NXPH1: variants seen among roughly 807,000 people sequenced by gnomAD.
NXPH1 encodes the protein neurexophilin 1, also known as neurexophilin-1.
A neutral mutation model predicts 23.7 loss-of-function variants in NXPH1; 5 were observed. The ratio of observed to expected loss-of-function variants is 0.21; its 90% CI spans 0.11 to 0.44. The LOEUF (loss-of-function observed/expected upper bound fraction) is 0.44. NXPH1 is among the 20% of genes least tolerant of loss of function. NXPH1 has a pLI of 0.99. For missense variants in NXPH1, 324 were observed against 321.6 expected, an observed-to-expected ratio of 1.01 and a Z score of -0.06; for synonymous variants, 144 against 122.2, an observed-to-expected ratio of 1.18 and a Z score of -1.18.
At chr7:8,507,003 G>A (rs944581638) in intron 2 of NXPH1, among the ~76,000 whole-genome samples, 2 of 149,408 alleles carry the variant, frequency 1.3e-5, no homozygotes, top group African/African-American at 5.1e-5. Flanking sequence ...TGCCCACCCC[G>A]GGAAGATGAA....
intron 2 of NXPH1, among the ~76,000 whole-genome samples, chr7:8,629,590 C>G (rs775284058): frequency 6.6e-6 from 1 of 152,052 alleles, no homozygotes; most frequent in Non-Finnish European, 1.5e-5. Context: ...TATAAGTCAT[C>G]GAGATTACTA....
intron 2 of NXPH1, among the ~76,000 whole-genome samples, chr7:8,444,406 TA>T (rs1214810827): frequency 6.6e-6 from 1 of 152,078 alleles, no homozygotes; most frequent in Admixed American, 6.5e-5. Flanking sequence ...GCCAGCCCGC[TA>T]GTTTTCTAGG....
In NXPH1 at chr7:8,593,171, A is replaced by ATTT. The variant is rs61424859; in HGVS notation, c.54+157417_54+157419dup. ...TTGCATGTTTCTCAGAGTAAGAAGCATTTTTTTTTTTTTTTCTATTTGTCT... is the reference window on the plus strand; with the variant it reads ...TTGCATGTTTCTCAGAGTAAGAAGCATTTTTTTTTTTTTTTTTTCTATTTGTCT... On this transcript the variant is annotated intron_variant, in intron 2 of 2. Coordinates refer to ENST00000405863, the MANE Select transcript of NXPH1 (RefSeq NM_152745.3). Among the ~76,000 whole-genome samples the ATTT allele has an allele frequency of 1.2e-3, 174 of 141,664 alleles. 2 individuals carry two copies. The highest frequency in any genetic ancestry group is 8.1e-3 in the South Asian group (36 of 4,442). 92.9% of individuals were successfully genotyped at this position (141,664 alleles called of 152,430 possible). A position where few individuals can be genotyped will look rare whatever the true frequency, so the allele number is the denominator to read the frequency against.
At chr7:8,459,729 T>G (rs756282246) in intron 2 of NXPH1, among the ~76,000 whole-genome samples, 3 of 152,020 alleles carry the variant, frequency 2.0e-5, no homozygotes, top group Non-Finnish European at 2.9e-5. Flanking sequence ...GTAAGGAAAA[T>G]CTAGGGGAAA....
chr7:8,716,044 T>C (rs1779873575), intron 2 of NXPH1, among the ~76,000 whole-genome samples: 1 of 152,146 alleles, frequency 6.6e-6, no homozygotes, highest in Non-Finnish European at 1.5e-5. Context: ...TGAGCACTAA[T>C]GTGAGTTTCA....
intron 2 of NXPH1, among the ~76,000 whole-genome samples, chr7:8,689,322 A>G (rs888155541): frequency 1.6e-4 from 24 of 151,934 alleles, no homozygotes; most frequent in African/African-American, 5.8e-4. Context: ...TGAAGTGAAA[A>G]AAAAAAAAAC....
intron 2 of NXPH1, among the ~76,000 whole-genome samples, chr7:8,747,031 A>G (rs1045074828): frequency 1.3e-5 from 2 of 152,188 alleles, no homozygotes; most frequent in African/African-American, 4.8e-5. Flanking sequence ...AGCTAAGACG[A>G]CTATTGAACA....
intron 2 of NXPH1, among the ~76,000 whole-genome samples, chr7:8,579,269 G>A (rs1818817634): frequency 6.6e-6 from 1 of 152,110 alleles, no homozygotes; most frequent in Non-Finnish European, 1.5e-5. Flanking sequence ...TTCAGTGATG[G>A]CAAAGACAAG....
At chr7:8,701,660 C>T (rs973354108) in intron 2 of NXPH1, among the ~76,000 whole-genome samples, 19 of 152,062 alleles carry the variant, frequency 1.2e-4, no homozygotes, top group Admixed American at 3.9e-4. Flanking sequence ...TGAATTTCTG[C>T]ACTTGTGTTT....
chr7:8,513,823 G>A (rs536474301), intron 2 of NXPH1, among the ~76,000 whole-genome samples: 13 of 152,148 alleles, frequency 8.5e-5, no homozygotes, highest in South Asian at 2.1e-4. Context: ...TAGGGCTGCC[G>A]TAAAAAAGTA....
intron 2 of NXPH1, among the ~76,000 whole-genome samples, chr7:8,572,751 A>G (rs953321773): frequency 6.6e-6 from 1 of 152,018 alleles, no homozygotes; most frequent in Non-Finnish European, 1.5e-5. Flanking sequence ...GGTATATATT[A>G]GTTTTTTTTC....
chr7:8,493,924 T>C (rs1241751153), intron 2 of NXPH1, among the ~76,000 whole-genome samples: 2 of 152,044 alleles, frequency 1.3e-5, no homozygotes, highest in Admixed American at 1.3e-4. Context: ...GGATATTTTA[T>C]CATGTTTTTG....
chr7:8,503,376 C>T lies in NXPH1; in HGVS notation c.54+67609C>T, dbSNP rs1817469218. Among the ~76,000 whole-genome samples, 3 of 151,912 alleles carry T rather than the reference C, an allele frequency of 2.0e-5. No homozygotes were observed. The South Asian group carries it at 6.2e-4, about 31-fold the overall frequency. ...ACTCTGAATTCCTCCCCTGTGCGGC[C>T]TCTTTGTCTCCTTCCTCACCGGTGA... On this transcript the variant is annotated intron_variant, in intron 2 of 2. Transcript: ENST00000405863.
intron 2 of NXPH1, among the ~76,000 whole-genome samples, chr7:8,532,959 C>T (rs936448945): frequency 6.6e-5 from 10 of 152,250 alleles, no homozygotes; most frequent in African/African-American, 2.4e-4. Flanking sequence ...ACTATTGCCA[C>T]TGCCAGCAGC....
intron 2 of NXPH1, among the ~76,000 whole-genome samples, chr7:8,445,631 A>C (rs1013841611): frequency 1.2e-4 from 19 of 152,236 alleles, no homozygotes; most frequent in African/African-American, 4.1e-4. Context: ...GATTTAGAGA[A>C]AATTTCCTGG....
intron 2 of NXPH1, among the ~76,000 whole-genome samples, chr7:8,638,220 C>T (rs942702970): frequency 6.6e-6 from 1 of 152,148 alleles, no homozygotes; most frequent in African/African-American, 2.4e-5. Flanking sequence ...CTACAATGGA[C>T]TAATAAAAGC....
chr7:8,575,393 C>T (rs1818733185), intron 2 of NXPH1, among the ~76,000 whole-genome samples: 1 of 152,114 alleles, frequency 6.6e-6, no homozygotes, highest in African/African-American at 2.4e-5. Flanking sequence ...GGGAAGAAAA[C>T]TCATTAAAAT....
intron 2 of NXPH1, among the ~76,000 whole-genome samples, chr7:8,568,342 C>T (rs914422872): frequency 4.0e-5 from 6 of 151,852 alleles, no homozygotes; most frequent in African/African-American, 1.5e-4. Flanking sequence ...TACATTCTCC[C>T]TCCTGATGCT....
chr7:8,568,300 C>T (rs1396194065), intron 2 of NXPH1, among the ~76,000 whole-genome samples: 2 of 151,840 alleles, frequency 1.3e-5, no homozygotes, highest in Admixed American at 1.3e-4. Flanking sequence ...AATAAATAGG[C>T]AAACAAGAAC....
Sources: gnomAD v4.1 joint callset for allele counts (sites outside exome capture counted in the v4.1 genomes callset) on GRCh38, gnomAD v4.1.1 for gene constraint, MANE v1.5 for transcripts, NCBI Gene and HGNC (gene_info 2026-07-23, HGNC 2026-07-21) for gene names.